Variants in SCFD2 observed in about 807,000 individuals in gnomAD.
SCFD2 encodes the protein sec1 family domain-containing protein 2.
SCFD2 carries 54 observed loss-of-function variants against 58.9 expected under a neutral mutation model. The ratio of observed to expected loss-of-function variants is 0.92; its 90% CI spans 0.74 to 1.15. The LOEUF is 1.15. Among genes scored for constraint, SCFD2 ranks in the 50% most tolerant of loss-of-function variants. The probability of loss-of-function intolerance (pLI) is 0.00; values close to 1 mark genes in which losing one functional copy is unlikely to be tolerated. For missense variants in SCFD2, 805 were observed against 836.6 expected (o/e 0.96, Z 0.47); for synonymous variants, 321 against 335.9 (o/e 0.96, Z 0.49).
intron 4 of SCFD2, among the ~76,000 whole-genome samples, chr4:53,191,767 T>G (rs1365909474): frequency 6.6e-6 from 1 of 152,176 alleles, no homozygotes; most frequent in African/African-American, 2.4e-5. Context: ...AGGAACACAC[T>G]TTGTGACTGC....
intron 4 of SCFD2, among the ~76,000 whole-genome samples, chr4:53,207,008 C>G (rs939176715): frequency 2.0e-5 from 3 of 151,952 alleles, no homozygotes; most frequent in Non-Finnish European, 2.9e-5. Context: ...GTGAGGGCCT[C>G]CTTGCTGCAT....
chr4:53,030,612 G>C (rs1328381125), intron 5 of SCFD2, among the ~76,000 whole-genome samples: 2 of 152,088 alleles, frequency 1.3e-5, no homozygotes, highest in South Asian at 4.2e-4. Flanking sequence ...AGTAGAGACG[G>C]AGTTTCACCA....
At chr4:53,153,215 C>G (rs1577782005) in intron 4 of SCFD2, among the ~76,000 whole-genome samples, 1 of 152,214 alleles carries the variant, frequency 6.6e-6, no homozygotes, top group Non-Finnish European at 1.5e-5. Context: ...TTAGTAGAGT[C>G]TCTCTGCAGG....
chr4:53,079,511 T>G (rs528723743), intron 5 of SCFD2, among the ~76,000 whole-genome samples: 1 of 152,266 alleles, frequency 6.6e-6, no homozygotes, highest in Admixed American at 6.5e-5. Flanking sequence ...ACGAAGAACA[T>G]AGCATTCTCT....
At chr4:53,278,699 C>G (rs1467807298) in intron 3 of SCFD2, among the ~76,000 whole-genome samples, 2 of 152,112 alleles carry the variant, frequency 1.3e-5, no homozygotes, top group East Asian at 3.8e-4. Flanking sequence ...ACCTTGTGTT[C>G]CTTGCAGATT....
chr4:53,255,920 G>T (rs1171161704), intron 4 of SCFD2, among the ~76,000 whole-genome samples: 1 of 146,980 alleles, frequency 6.8e-6, no homozygotes, highest in Non-Finnish European at 1.5e-5. Flanking sequence ...GGGCGGCCGG[G>T]CAGAGGCGCC....
At chr4:53,033,463 C>A (rs541075353) in intron 5 of SCFD2, among the ~76,000 whole-genome samples, 163 of 151,480 alleles carry the variant, frequency 1.1e-3, no homozygotes, top group African/African-American at 3.9e-3. Context: ...AGAAATAACT[C>A]AGATCAGAGC....
chr4:53,018,795 T>A (rs1347046888), intron 5 of SCFD2, among the ~76,000 whole-genome samples: 1 of 152,286 alleles, frequency 6.6e-6, no homozygotes, highest in Non-Finnish European at 1.5e-5. Context: ...AGTGCATGTG[T>A]TCATGCAGGA....
chr4:53,251,564 C>G (rs1186522156), intron 4 of SCFD2, among the ~76,000 whole-genome samples: 1 of 152,120 alleles, frequency 6.6e-6, no homozygotes, highest in East Asian at 1.9e-4. Context: ...CCCTGGGATG[C>G]AAGGCTGGTT....
intron 5 of SCFD2, among the ~76,000 whole-genome samples, chr4:53,106,377 G>A (rs988298381): frequency 6.6e-5 from 10 of 152,128 alleles, no homozygotes; most frequent in African/African-American, 2.4e-4. Context: ...TGAGTTTGAC[G>A]AATTGCCAGA....
At chr4:53,158,070 G>A (rs1168629855) in intron 4 of SCFD2, among the ~76,000 whole-genome samples, 2 of 152,096 alleles carry the variant, frequency 1.3e-5, no homozygotes, top group Admixed American at 6.5e-5. Flanking sequence ...CCCCTGGTAA[G>A]GTACATGAAT....
intron 5 of SCFD2, among the ~76,000 whole-genome samples, chr4:53,086,374 A>T (rs2887235): frequency 0.31 from 47,178 of 152,014 alleles, 7,460 homozygotes; most frequent in Middle Eastern, 0.45. Flanking sequence ...TCCAAAAGAC[A>T]GGCAATAACA....
intron 2 of SCFD2, among the ~76,000 whole-genome samples, chr4:53,333,829 G>T (rs1200221693): frequency 7.3e-6 from 1 of 137,386 alleles, no homozygotes; most frequent in East Asian, 2.1e-4. Context: ...CAAAATGGGA[G>T]AAAATTTTCA....
At chr4:52,879,352 T>C (rs916773173) in intron 8 of SCFD2, among the ~76,000 whole-genome samples, 3 of 152,224 alleles carry the variant, frequency 2.0e-5, no homozygotes, top group African/African-American at 7.2e-5. Context: ...GGGTTTTTAA[T>C]GAAAACAAAA....
intron 2 of SCFD2, among the ~76,000 whole-genome samples, chr4:53,336,474 AC>A (rs1733686356): frequency 6.6e-6 from 1 of 151,324 alleles, no homozygotes; most frequent in South Asian, 2.1e-4. Context: ...ACCTCTATAA[AC>A]CCCAGTTTTC....
chr4:53,349,251 G>A (rs1472106651), intron 2 of SCFD2, among the ~76,000 whole-genome samples: 2 of 152,142 alleles, frequency 1.3e-5, no homozygotes, highest in East Asian at 3.8e-4. Flanking sequence ...GAAATAATGA[G>A]GTGTAAAAAA....
At chr4:53,244,506 T>G (rs1223568590) in intron 4 of SCFD2, among the ~76,000 whole-genome samples, 1 of 152,012 alleles carries the variant, frequency 6.6e-6, no homozygotes, top group Non-Finnish European at 1.5e-5. Context: ...GGGTAATTCA[T>G]GAAATTAAGG....
intron 5 of SCFD2, among the ~76,000 whole-genome samples, chr4:53,059,673 T>C (rs1178875279): frequency 6.6e-6 from 1 of 152,050 alleles, no homozygotes; most frequent in African/African-American, 2.4e-5. Context: ...TTCTTCCGTA[T>C]AGCCAACTTT....
chr4:53,203,934 A>T (rs1349058258), intron 4 of SCFD2, among the ~76,000 whole-genome samples: 1 of 152,154 alleles, frequency 6.6e-6, no homozygotes, highest in Non-Finnish European at 1.5e-5. Context: ...GCAAAACTTG[A>T]GAATTATTAA....
Sources: gnomAD v4.1 joint callset for allele counts (sites outside exome capture counted in the v4.1 genomes callset) on GRCh38, gnomAD v4.1.1 for gene constraint, MANE v1.5 for transcripts, NCBI Gene and HGNC (gene_info 2026-07-23, HGNC 2026-07-21) for gene names.